The following SKAP1 variants were observed in gnomAD, a reference collection of about 807,000 sequenced individuals.
The protein encoded by SKAP1 is src kinase-associated phosphoprotein 1.
SKAP1 carries 44 observed loss-of-function variants against 58.5 expected under a neutral mutation model. That is an observed-to-expected ratio of 0.75 (90% CI 0.59 to 0.97). The LOEUF is 0.97. Among genes scored for constraint, SKAP1 ranks in the 50% least tolerant of loss-of-function variants. The pLI, the probability that SKAP1 is intolerant of heterozygous loss-of-function variation, is 0.00. For synonymous variants in SKAP1, 127 were observed against 149.7 expected (o/e 0.85, Z 1.11); for missense variants, 390 against 435.2 (o/e 0.90, Z 0.92).
intron 4 of SKAP1, among the ~76,000 whole-genome samples, chr17:48,215,609 AC>A (rs1442983005): frequency 3.3e-5 from 5 of 152,134 alleles, no homozygotes; most frequent in African/African-American, 1.2e-4. Flanking sequence ...TCAGGAGAAG[AC>A]CATTTTCTCA....
intron 4 of SKAP1, among the ~76,000 whole-genome samples, chr17:48,302,853 T>G (rs1388338185): frequency 6.6e-6 from 1 of 152,140 alleles, no homozygotes; most frequent in Non-Finnish European, 1.5e-5. Flanking sequence ...CAGAATCCAG[T>G]GAGGGATAGA....
At chr17:48,185,031 C>T in intron 6 of SKAP1, 184 bp from the exon 7 acceptor site, 1 of 558,976 alleles carries the variant, frequency 1.8e-6, no homozygotes, top group Non-Finnish European at 3.1e-6. Context: ...GCAGATATCA[C>T]TGCCAAGCTA....
intron 4 of SKAP1, among the ~76,000 whole-genome samples, chr17:48,334,199 ACT>A (rs1277891775): frequency 6.6e-6 from 1 of 151,946 alleles, no homozygotes; most frequent in Non-Finnish European, 1.5e-5. Flanking sequence ...TCTATATTAT[ACT>A]GTTATCAACT....
chr17:48,294,172 A>G (rs2144093279), intron 4 of SKAP1, among the ~76,000 whole-genome samples: 1 of 152,236 alleles, frequency 6.6e-6, no homozygotes, highest in African/African-American at 2.4e-5. Flanking sequence ...CATTAATCTA[A>G]TGGAGTAAAG....
chr17:48,335,422 T>C (rs549129765), intron 4 of SKAP1, among the ~76,000 whole-genome samples: 2 of 152,152 alleles, frequency 1.3e-5, no homozygotes, highest in East Asian at 3.9e-4. Context: ...GAAGGGTTAC[T>C]TTTAGTAGTC....
chr17:48,291,317 A>G (rs1208624215), intron 4 of SKAP1, among the ~76,000 whole-genome samples: 2 of 151,448 alleles, frequency 1.3e-5, no homozygotes, highest in East Asian at 1.9e-4. Flanking sequence ...CTGGTGCTGG[A>G]AAAAAAAATT....
chr17:48,300,889 C>T (rs575191114), intron 4 of SKAP1, among the ~76,000 whole-genome samples: 2 of 152,202 alleles, frequency 1.3e-5, no homozygotes, highest in East Asian at 1.9e-4. Flanking sequence ...AAAATATCTC[C>T]GTATCTTCAT....
intron 4 of SKAP1, among the ~76,000 whole-genome samples, chr17:48,190,993 A>G (rs1478968786): frequency 6.6e-6 from 1 of 152,230 alleles, no homozygotes; most frequent in Non-Finnish European, 1.5e-5. Context: ...TCAAAACAAA[A>G]CAAACAAAAA....
chr17:48,441,586 G>A, the SKAP1 span, among the ~76,000 whole-genome samples: 604 of 152,192 alleles, frequency 4.0e-3, 2 homozygotes, highest in African/African-American at 0.014. Context: ...AAATAGTTAC[G>A]TGACAGAACT....
chr17:48,247,532 C>T (rs1598466928), intron 4 of SKAP1, among the ~76,000 whole-genome samples: 1 of 152,146 alleles, frequency 6.6e-6, no homozygotes, highest in Non-Finnish European at 1.5e-5. Context: ...TTAAAGGTAA[C>T]CGTCTTTTCC....
intron 11 of SKAP1, among the ~76,000 whole-genome samples, chr17:48,137,612 G>A (rs570675469): frequency 3.2e-4 from 49 of 152,238 alleles, no homozygotes; most frequent in African/African-American, 1.1e-3. Flanking sequence ...AAACCAAGCC[G>A]AATGGTATGG....
intron 4 of SKAP1, among the ~76,000 whole-genome samples, chr17:48,341,146 A>G (rs919739617): frequency 6.6e-6 from 1 of 152,184 alleles, no homozygotes; most frequent in African/African-American, 2.4e-5. Context: ...CATGGAAAGC[A>G]CTTAGTAAAG....
intron 4 of SKAP1, among the ~76,000 whole-genome samples, chr17:48,205,241 C>T (rs1225123881): frequency 6.6e-6 from 1 of 151,630 alleles, no homozygotes. Context: ...TCCTGAGTAG[C>T]TGAAACTACA....
At chr17:48,442,686 C>A in the SKAP1 span, among the ~76,000 whole-genome samples, 1 of 152,156 alleles carries the variant, frequency 6.6e-6, no homozygotes, top group Non-Finnish European at 1.5e-5. Flanking sequence ...TCTTCCTCTG[C>A]CAAGTCTAGC....
chr17:48,289,905 C>T (rs2144073436), intron 4 of SKAP1, among the ~76,000 whole-genome samples: 2 of 152,084 alleles, frequency 1.3e-5, no homozygotes, highest in South Asian at 4.1e-4. Context: ...CATGTTTCAC[C>T]TAAAGAGTGG....
intron 4 of SKAP1, among the ~76,000 whole-genome samples, chr17:48,321,595 G>A (rs560997414): frequency 2.2e-4 from 33 of 152,084 alleles, no homozygotes; most frequent in African/African-American, 5.5e-4. Context: ...AGCCAGGATC[G>A]TCTCGATCTC....
chr17:48,343,338 A>G (rs1422969548), intron 4 of SKAP1, among the ~76,000 whole-genome samples: 2 of 152,186 alleles, frequency 1.3e-5, no homozygotes, highest in Non-Finnish European at 2.9e-5. Flanking sequence ...TTTCTCTTTA[A>G]TTTCACAGGA....
chr17:48,421,260 C>CA (rs1208350199), intron 1 of SKAP1, among the ~76,000 whole-genome samples: 1 of 148,542 alleles, frequency 6.7e-6, no homozygotes, highest in Non-Finnish European at 1.5e-5. Flanking sequence ...GGAATTAATG[C>CA]AAAATACTAG....
intron 1 of SKAP1, among the ~76,000 whole-genome samples, chr17:48,424,567 C>T (rs1290424209): frequency 2.0e-5 from 3 of 151,788 alleles, no homozygotes; most frequent in Non-Finnish European, 4.4e-5. Context: ...CCTCCCATCA[C>T]ATTTGTAATT....
Sources: allele counts gnomAD v4.1 joint callset (sites outside exome capture counted in the v4.1 genomes callset), GRCh38; gene constraint gnomAD v4.1.1; transcripts MANE v1.5; gene names NCBI Gene and HGNC (gene_info 2026-07-23, HGNC 2026-07-21).